XRCC6: variants seen among roughly 807,000 people sequenced by gnomAD.
The protein encoded by XRCC6 is DNA repair protein Ku70.
XRCC6 carries 5 observed loss-of-function variants against 65.7 expected under a neutral mutation model. The ratio of observed to expected loss-of-function variants is 0.08; its 90% CI spans 0.04 to 0.16. XRCC6 has a LOEUF of 0.16. XRCC6 is among the 10% of genes least tolerant of loss of function. XRCC6 has a pLI of 1.00. For synonymous variants in XRCC6, 270 were observed against 270.6 expected (o/e 1.00, Z 0.02); for missense variants, 447 against 738.1 (o/e 0.61, Z 4.57).
chr22:41,651,318 A>G (rs1189871977), intron 8 of XRCC6, among the ~76,000 whole-genome samples: 2 of 148,774 alleles, frequency 1.3e-5, no homozygotes, highest in Non-Finnish European at 3.0e-5. Context: ...AAAGTGTTTC[A>G]AGCTCAAATT....
intron 10 of XRCC6, 101 bp from the exon 11 acceptor site, chr22:41,658,151 T>G: frequency 8.3e-7 from 1 of 1,198,286 alleles, no homozygotes; most frequent in Non-Finnish European, 1.2e-6. Context: ...GGTGTTTTTC[T>G]CAGCTCACCC....
intron 2 of XRCC6, among the ~76,000 whole-genome samples, chr22:41,627,182 A>C (rs2147067177): frequency 6.6e-6 from 1 of 152,324 alleles, no homozygotes; most frequent in Middle Eastern, 3.4e-3. Flanking sequence ...GAAAAAAGAG[A>C]GGGTATCTGT....
chr22:41,635,977 T>A, intron 3 of XRCC6, 136 bp from the exon 4 acceptor site: 1 of 687,564 alleles, frequency 1.5e-6, no homozygotes, highest in Non-Finnish European at 2.3e-6. Context: ...TCATTACCCC[T>A]GAAGGTAGGG....
intron 7 of XRCC6, among the ~76,000 whole-genome samples, chr22:41,650,285 T>A (rs73161328): frequency 0.014 from 2,199 of 152,000 alleles, 46 homozygotes; most frequent in Admixed American, 0.058. Flanking sequence ...TTAATTTTTT[T>A]ATACAGATAG....
intron 2 of XRCC6, among the ~76,000 whole-genome samples, chr22:41,623,066 T>C (rs2067628646): frequency 6.6e-6 from 1 of 152,146 alleles, no homozygotes; most frequent in South Asian, 2.1e-4. Context: ...TCAAGTATCT[T>C]TCAATATTTA....
rs776781723 is a variant in XRCC6, at chr22:41,663,610, C to G, written c.1637-12C>G. On this transcript the variant is annotated splice_polypyrimidine_tract_variant and intron_variant, in intron 12 of 12. Coordinates refer to ENST00000360079, the MANE Select transcript of XRCC6 (RefSeq NM_001469.5). Reference sequence around the variant, plus strand: ...GCATTTCCAGTCACTCTCTCCTGACCTTTCCCCCCAGATAATGAAGGTTCT... The same window carrying G: ...GCATTTCCAGTCACTCTCTCCTGACGTTTCCCCCCAGATAATGAAGGTTCT... 1.1e-5 allele frequency: 17 copies of G among 1,608,992 alleles called. No homozygotes were observed. The highest frequency in any genetic ancestry group is 3.3e-5 in the South Asian group (3 of 90,806).
intron 2 of XRCC6, among the ~76,000 whole-genome samples, chr22:41,625,794 A>C (rs1441672358): frequency 6.6e-6 from 1 of 152,246 alleles, no homozygotes; most frequent in East Asian, 1.9e-4. Flanking sequence ...GCGCCACTGC[A>C]TTCCAGCCTG....
At chr22:41,622,436 A>C (rs1413898114) in intron 2 of XRCC6, among the ~76,000 whole-genome samples, 1 of 152,078 alleles carries the variant, frequency 6.6e-6, no homozygotes. Context: ...AAATGCCCCC[A>C]CCCTGCAATA....
intron 11 of XRCC6, among the ~76,000 whole-genome samples, chr22:41,660,600 C>A (rs1040361994): frequency 1.3e-5 from 2 of 152,144 alleles, no homozygotes; most frequent in Non-Finnish European, 2.9e-5. Context: ...TCTTTCTCAC[C>A]TCTCTGCTGG....
At chr22:41,643,570 C>T (rs1204298516) in intron 6 of XRCC6, among the ~76,000 whole-genome samples, 1 of 152,186 alleles carries the variant, frequency 6.6e-6, no homozygotes, top group Non-Finnish European at 1.5e-5. Flanking sequence ...CCTGTAATCC[C>T]AGCACTTTGG....
At chr22:41,626,121 A>T (rs915857017) in intron 2 of XRCC6, among the ~76,000 whole-genome samples, 3 of 150,948 alleles carry the variant, frequency 2.0e-5, no homozygotes, top group Non-Finnish European at 4.4e-5. Context: ...TACAGGCATG[A>T]GCCACCGTGC....
At chr22:41,662,261 T>C (rs2068106446) in intron 12 of XRCC6, among the ~76,000 whole-genome samples, 1 of 152,158 alleles carries the variant, frequency 6.6e-6, no homozygotes, top group African/African-American at 2.4e-5. Flanking sequence ...AGGGGATGGA[T>C]ACCCCATTTA....
At chr22:41,626,225 C>G (rs1321354366) in intron 2 of XRCC6, among the ~76,000 whole-genome samples, 1 of 151,974 alleles carries the variant, frequency 6.6e-6, no homozygotes, top group Non-Finnish European at 1.5e-5. Flanking sequence ...TCACTGCAGC[C>G]TCTGCGTCCC....
At chr22:41,635,663 C>A (rs2067801658) in intron 3 of XRCC6, among the ~76,000 whole-genome samples, 1 of 152,046 alleles carries the variant, frequency 6.6e-6, no homozygotes, top group South Asian at 2.1e-4. Context: ...CCTCTGCTTC[C>A]CAAGTAACTG....
intron 3 of XRCC6, among the ~76,000 whole-genome samples, chr22:41,635,851 T>C (rs1022287933): frequency 2.0e-5 from 3 of 152,142 alleles, no homozygotes; most frequent in African/African-American, 7.2e-5. Context: ...GGCCTGAATA[T>C]ACGTATTGTT....
chr22:41,647,161 C>A, intron 7 of XRCC6, 79 bp downstream of exon 7: 1 of 1,478,398 alleles, frequency 6.8e-7, no homozygotes, highest in Non-Finnish European at 9.3e-7. Context: ...TGCAGTGGGG[C>A]GAACATGACT....
At chr22:41,647,281 AT>A (rs1569091713) in intron 7 of XRCC6, among the ~76,000 whole-genome samples, 199 bp downstream of exon 7, 1 of 151,934 alleles carries the variant, frequency 6.6e-6, no homozygotes, top group African/African-American at 2.4e-5. Flanking sequence ...TTATTTATTT[AT>A]TTTTTAAGAG....
chr22:41,635,144 A>C (rs190774117), intron 3 of XRCC6, among the ~76,000 whole-genome samples: 23 of 152,286 alleles, frequency 1.5e-4, no homozygotes, highest in Admixed American at 1.3e-3. Context: ...ATTTGCATAT[A>C]ACCTACACAC....
chr22:41,635,969 A>G (rs2067805106), intron 3 of XRCC6, 144 bp from the exon 4 acceptor site: 1 of 626,560 alleles, frequency 1.6e-6, no homozygotes, highest in Non-Finnish European at 2.6e-6. Context: ...TCACTGATTC[A>G]TTACCCCTGA....
Sources: gnomAD v4.1 joint callset for allele counts (sites outside exome capture counted in the v4.1 genomes callset) on GRCh38, gnomAD v4.1.1 for gene constraint, MANE v1.5 for transcripts, NCBI Gene and HGNC (gene_info 2026-07-23, HGNC 2026-07-21) for gene names.